OPHN1: variants seen among roughly 807,000 people sequenced by gnomAD.
The protein encoded by OPHN1 is oligophrenin 1.
OPHN1 carries 11 observed loss-of-function variants against 60.7 expected under a neutral mutation model. The observed-to-expected ratio is 0.18, with a 90% CI of 0.11 to 0.30. The LOEUF (loss-of-function observed/expected upper bound fraction) is 0.30. OPHN1 is among the 10% of genes least tolerant of loss of function. The pLI, the probability that OPHN1 is intolerant of heterozygous loss-of-function variation, is 1.00. For synonymous variants in OPHN1, 226 were observed against 222.6 expected, an observed-to-expected ratio of 1.02 and a Z score of -0.14; for missense variants, 449 against 611.0, an observed-to-expected ratio of 0.73 and a Z score of 2.80.
At chrX:68,325,250 G>A (rs1841694699) in intron 2 of OPHN1, among the ~76,000 whole-genome samples, 1 of 109,621 alleles carries the variant, frequency 9.1e-6, no homozygotes, top group African/African-American at 3.3e-5. Context: ...TCTAAAAACA[G>A]TTAAGAAAGT....
chrX:68,358,058 A>G lies in OPHN1; in HGVS notation c.155-58962T>C, dbSNP rs1289309869. ...ATAATCCCAGCATTTTAGGAGGCCG[A>G]GAGGGACAGATCAATTGAGGCCAGC... On this transcript the variant is annotated intron_variant, in intron 2 of 24. Coordinates refer to ENST00000355520, the MANE Select transcript of OPHN1 (RefSeq NM_002547.3). Among the ~76,000 whole-genome samples the G allele has an allele frequency of 4.6e-5, 5 of 108,423 alleles. No individual in the cohort carries two copies. The East Asian group carries it at 1.4e-3, about 31-fold the overall frequency. 94.2% of individuals were successfully genotyped at this position (108,423 alleles called of 115,157 possible).
intron 2 of OPHN1, among the ~76,000 whole-genome samples, chrX:68,306,753 C>T (rs1281000225): frequency 9.0e-6 from 1 of 111,580 alleles, no homozygotes. Context: ...AACAGGGTCT[C>T]ATTGTGTCAC....
At position 68,053,525 on chromosome X, in the gene OPHN1, C is replaced by A. The variant is rs1350995788; in HGVS notation, c.2324+120G>T. On this transcript the variant is annotated intron_variant, in intron 22 of 24. Transcript: ENST00000355520. ...GGCTGGCCTATGATATTTCCCTAGA[C>A]TATAAAGTGAAGGATGCCCCAGGGC... 8.3e-6 allele frequency: 6 copies of A among 721,602 alleles called. No individual in the cohort carries two copies. The South Asian group carries it at 9.3e-5, about 11-fold the overall frequency. 59.5% of individuals were successfully genotyped at this position (721,602 alleles called of 1,213,427 possible). A position where few individuals can be genotyped will look rare whatever the true frequency, so the allele number is the denominator to read the frequency against.
intron 15 of OPHN1, among the ~76,000 whole-genome samples, chrX:68,169,922 T>G (rs1272193786): frequency 9.3e-6 from 1 of 107,551 alleles, no homozygotes; most frequent in Non-Finnish European, 1.9e-5. Flanking sequence ...AAAGACAAAA[T>G]TGACAAATGG....
chrX:68,309,351 C>T (rs1041652095), intron 2 of OPHN1, among the ~76,000 whole-genome samples: 1 of 111,238 alleles, frequency 9.0e-6, no homozygotes, highest in South Asian at 3.8e-4. Context: ...ATATCTTCCT[C>T]CTAATCCAAA....
intron 6 of OPHN1, among the ~76,000 whole-genome samples, chrX:68,220,514 T>C (rs1232136673): frequency 4.9e-5 from 5 of 101,677 alleles, no homozygotes; most frequent in African/African-American, 1.4e-4. Flanking sequence ...TTGATGAACA[T>C]TGATGCAAAA....
At chrX:68,361,183 C>T (rs775807397) in intron 2 of OPHN1, 4 of 111,439 alleles carry the variant, frequency 3.6e-5, no homozygotes, top group Non-Finnish European at 7.5e-5. Flanking sequence ...CTTGAGTAGT[C>T]TTAAAAATAA....
At chrX:68,406,341 G>A (rs1160656449) in intron 2 of OPHN1, among the ~76,000 whole-genome samples, 1 of 111,547 alleles carries the variant, frequency 9.0e-6, no homozygotes, top group Non-Finnish European at 1.9e-5. Flanking sequence ...GCCAGGCACG[G>A]TGGCTCACGC....
intron 5 of OPHN1, among the ~76,000 whole-genome samples, chrX:68,268,020 C>A (rs1178717987): frequency 2.7e-5 from 3 of 111,463 alleles, no homozygotes; most frequent in African/African-American, 9.8e-5. Context: ...AGTAACAGGT[C>A]TGAAATTGAG....
chrX:68,130,198 C>T (rs970032717), intron 15 of OPHN1, among the ~76,000 whole-genome samples: 2 of 111,448 alleles, frequency 1.8e-5, no homozygotes, highest in African/African-American at 6.5e-5. Context: ...GAGATGCTGG[C>T]TGTAAACACC....
intron 3 of OPHN1, among the ~76,000 whole-genome samples, chrX:68,298,116 T>G (rs894413547): frequency 9.0e-6 from 1 of 111,707 alleles, no homozygotes; most frequent in Non-Finnish European, 1.9e-5. Flanking sequence ...ATAATAGCTC[T>G]TTGGTTCAGT....
At chrX:68,415,014 G>T (rs1245973499) in intron 2 of OPHN1, among the ~76,000 whole-genome samples, 1 of 112,085 alleles carries the variant, frequency 8.9e-6, no homozygotes, top group Admixed American at 9.6e-5. Context: ...CTCTCAAAAG[G>T]ACAGAGTTAA....
intron 20 of OPHN1, among the ~76,000 whole-genome samples, 153 bp downstream of exon 20, chrX:68,072,997 GCA>G (rs1049115859): frequency 5.4e-5 from 6 of 111,359 alleles, no homozygotes; most frequent in Non-Finnish European, 1.1e-4. Flanking sequence ...CCCTCTCTGA[GCA>G]CAAACTACAA....
intron 2 of OPHN1, among the ~76,000 whole-genome samples, chrX:68,426,778 G>A (rs1459097992): frequency 2.0e-5 from 2 of 97,895 alleles, no homozygotes; most frequent in Non-Finnish European, 4.1e-5. Context: ...GGCTGAGTCC[G>A]GAAGATCCTT....
chrX:68,246,287 T>G (rs1424727325), intron 5 of OPHN1, among the ~76,000 whole-genome samples: 2 of 112,387 alleles, frequency 1.8e-5, no homozygotes, highest in Non-Finnish European at 3.7e-5. Context: ...TGTTATGCTG[T>G]AGTCCTTCCA....
chrX:68,050,958 C>A (rs182385006), intron 23 of OPHN1, among the ~76,000 whole-genome samples: 2 of 111,717 alleles, frequency 1.8e-5, no homozygotes, highest in South Asian at 7.7e-4. Flanking sequence ...AAATCTGGGG[C>A]CTTGATCTGA....
Position 68,043,094 on chromosome X carries a change from C to A in OPHN1, c.*4078G>T. The A allele has an allele frequency of 4.1e-5, 1 of 24,488 alleles. No homozygotes were observed. Among genetic ancestry groups the A allele is most frequent in the Admixed American group, 5.4e-4 (1 of 1,861 alleles). The allele number at this position is 24,488 out of a possible 1,213,427, so 2.0% of individuals were successfully genotyped here. A position where few individuals can be genotyped will look rare whatever the true frequency, so the allele number is the denominator to read the frequency against. The stretch of plus-strand genomic sequence containing the variant: ...TAGGGACATGGATGAAATTGGAAAC[C>A]ATCATTCTCAGTAAACTATCGCAAG... On this transcript the variant is annotated 3_prime_UTR_variant, in exon 25 of 25. Transcript: ENST00000355520.
intron 4 of OPHN1, among the ~76,000 whole-genome samples, chrX:68,275,019 T>C (rs1375742465): frequency 8.9e-6 from 1 of 112,191 alleles, no homozygotes; most frequent in Non-Finnish European, 1.9e-5. Context: ...AAGAGGGGCA[T>C]TTCTCTGTAA....
chrX:68,244,148 G>A (rs1314950961), intron 5 of OPHN1, among the ~76,000 whole-genome samples: 1 of 111,616 alleles, frequency 9.0e-6, no homozygotes, highest in Admixed American at 9.4e-5. Context: ...CACTAAGCTT[G>A]TTCCTACCTC....
Sources: allele counts gnomAD v4.1 joint callset (sites outside exome capture counted in the v4.1 genomes callset), GRCh38; gene constraint gnomAD v4.1.1; transcripts MANE v1.5; gene names NCBI Gene and HGNC (gene_info 2026-07-23, HGNC 2026-07-21).